The following F5 variants were observed in gnomAD, a reference collection of about 807,000 sequenced individuals.
The protein encoded by F5 is coagulation factor V.
Under a neutral mutation model 216.4 loss-of-function variants are expected in F5, and 138 were observed. The ratio of observed to expected loss-of-function variants is 0.64; its 90% CI spans 0.56 to 0.73. F5 has a LOEUF of 0.73. F5 is among the 30% of genes least tolerant of loss of function. F5 has a pLI of 0.00. For synonymous variants in F5, 916 were observed against 930.7 expected (o/e 0.98, Z 0.29); for missense variants, 2,403 against 2,674.0 (o/e 0.90, Z 2.24).
rs781221809 is a variant in F5, at chr1:169,550,719, G to C, written c.1317C>G (p.Ala439=). 4 of 1,613,698 alleles carry C rather than the reference G, an allele frequency of 2.5e-6. No individual in the cohort carries two copies. In the South Asian group the frequency reaches 4.4e-5, roughly 18 times the overall value. ...DTLKIVFKNM[A]SRPYSIYPHG... is the part of the protein sequence containing the mutation. Reference sequence around the variant, plus strand: ...GAGGGTAAATGCTATAGGGGCGGCTGGCCATATTTTTGAACACGATCTACA... The same window carrying C: ...GAGGGTAAATGCTATAGGGGCGGCTCGCCATATTTTTGAACACGATCTACA... Residue 439 remains alanine, a synonymous_variant, in exon 9 of 25, where the codon GCC becomes GCG. Coordinates refer to ENST00000367797, the MANE Select transcript of F5 (RefSeq NM_000130.5).
Position 169,542,174 on chromosome 1 carries a change from C to A in F5, c.2916G>T (p.Leu972=). ...CACGTGAGGCATTCTGGGGGCTGAT[C>A]AGCCAATTGTTAACAGCTGTGTCTT... ...TDEDTAVNNW[L]ISPQNASRAW... is the part of the protein sequence containing the mutation. The change falls in exon 13 of 25, where the codon CTG becomes CTT. Residue 972 remains leucine (L), a synonymous_variant. Transcript: ENST00000367797. 1.2e-6 allele frequency: 2 copies of A among 1,614,050 alleles called. No homozygotes were observed. The highest frequency in any genetic ancestry group is 1.7e-6 in the Non-Finnish European group (2 of 1,179,984).
intron 14 of F5, among the ~76,000 whole-genome samples, chr1:169,535,926 C>T (rs1012294513): frequency 1.4e-4 from 21 of 151,882 alleles, no homozygotes; most frequent in African/African-American, 1.2e-4. Flanking sequence ...TGAATGTGAG[C>T]GGTTAGCAAA....
chr1:169,523,746 C>T, intron 20 of F5, 55 bp downstream of exon 20: 1 of 1,419,142 alleles, frequency 7.0e-7, no homozygotes, highest in Non-Finnish European at 1.0e-6. Context: ...TACTAAATCA[C>T]TTTCATTTTT....
chr1:169,520,573 C>T lies in F5; in HGVS notation c.6140G>A (p.Arg2047Gln), dbSNP rs748256909. 24 of 1,613,766 alleles carry T rather than the reference C, an allele frequency of 1.5e-5. No homozygotes were observed. The highest frequency in any genetic ancestry group is 2.0e-5 in the Non-Finnish European group (24 of 1,179,928). Residue 2047 changes from arginine to glutamine, a missense_variant, in exon 22 of 25, where the codon CGA (arginine) becomes CAA (glutamine). Physicochemically the swap from Arg to Gln is conservative, Grantham distance 43. Coordinates refer to ENST00000367797, the MANE Select transcript of F5 (RefSeq NM_000130.5). ...TCGAAGGGTAGGTCTGTTATAGGCT[C>T]GAGTTGGAGAGATCCTAATATATCT... ...VARYIRISPT[R>Q]AYNRPTLRLE...
At chr1:169,559,072 C>T in intron 5 of F5, 81 bp downstream of exon 5, 2 of 1,502,986 alleles carry the variant, frequency 1.3e-6, no homozygotes. Flanking sequence ...TGGTCAACTT[C>T]TCTAGTGCTT....
rs779317485 is a variant in F5 at position 169,541,912 on chromosome 1, A to G, written c.3178T>C (p.Ser1060Pro). 1.5e-5 allele frequency: 24 copies of G among 1,614,030 alleles called. No individual in the cohort carries two copies. Among genetic ancestry groups the G allele is most frequent in the Middle Eastern group, 1.6e-4 (1 of 6,084 alleles). ...PLRSEAYNTFSERRLKHSLVL... is the reference protein window; with the variant it reads ...PLRSEAYNTFPERRLKHSLVL... Reference sequence around the variant, plus strand: ...AACGAATGCTTAAGTCTTCTTTCTGAAAATGTGTTGTAGGCTTCACTTCTT... The same window carrying G: ...AACGAATGCTTAAGTCTTCTTTCTGGAAATGTGTTGTAGGCTTCACTTCTT... The change falls in exon 13 of 25, where the codon TCA becomes CCA. Residue 1060 changes from serine to proline, a missense_variant. Ser to Pro is a moderately conservative substitution (Grantham distance 74). This residue lies in a region of F5 where 1,425 missense variants were observed against 1,554.8 expected (regional missense o/e 0.92). Transcript: ENST00000367797.
chr1:169,584,600 A>G (rs1661062953), intron 1 of F5, among the ~76,000 whole-genome samples: 1 of 152,250 alleles, frequency 6.6e-6, no homozygotes, highest in Non-Finnish European at 1.5e-5. Context: ...TTGTGCTAAA[A>G]TACACTTTGC....
intron 8 of F5, 81 bp downstream of exon 8, chr1:169,552,476 T>C (rs930832588): frequency 8.2e-7 from 1 of 1,220,846 alleles, no homozygotes. Context: ...ATCTTTTTCT[T>C]TTAAAATTAA....
At chr1:169,518,697 T>C in intron 22 of F5, 134 bp from the exon 23 acceptor site, 1 of 1,035,898 alleles carries the variant, frequency 9.7e-7, no homozygotes. Context: ...TGAAGATTTA[T>C]TGAATCCAAG....
At chr1:169,527,891 C>T (rs769650300) in intron 17 of F5, 24 bp downstream of exon 17, 21 of 1,612,268 alleles carry the variant, frequency 1.3e-5, no homozygotes, top group Non-Finnish European at 1.8e-5. Flanking sequence ...TAGCAGGGAC[C>T]TCTTCCCATT....
rs1316239090 is a variant in F5, at chr1:169,540,312, T to C, written c.4778A>G (p.Tyr1593Cys). The change falls in exon 13 of 25, where the codon TAT becomes TGT. Residue 1593 changes from tyrosine to cysteine, a missense_variant. This residue lies in a region of F5 where 659 missense variants were observed against 787.9 expected (regional missense o/e 0.84). Coordinates refer to ENST00000367797, the MANE Select transcript of F5 (RefSeq NM_000130.5). Reference protein sequence around the residue: ...YIAAEEISWDYSEFVQRETDI... With the variant: ...YIAAEEISWDCSEFVQRETDI... ...GCCAAACCTTTGTACAAATTCTGAATAATCCCAGGATATTTCTTCAGCAGC... is the reference window on the plus strand; with the variant it reads ...GCCAAACCTTTGTACAAATTCTGAACAATCCCAGGATATTTCTTCAGCAGC... The C allele has an allele frequency of 6.2e-7, 1 of 1,613,788 alleles. No individual in the cohort carries two copies. Among genetic ancestry groups the C allele is most frequent in the Admixed American group, 1.7e-5 (1 of 59,974 alleles).
At chr1:169,580,401 T>G (rs1297506215) in intron 2 of F5, among the ~76,000 whole-genome samples, 25 of 151,048 alleles carry the variant, frequency 1.7e-4, no homozygotes, top group Admixed American at 1.6e-3. Context: ...TTTTTTTTTT[T>G]GAGATAGAGT....
intron 11 of F5, among the ~76,000 whole-genome samples, chr1:169,545,902 C>A (rs539394701): frequency 2.6e-5 from 4 of 152,302 alleles, no homozygotes; most frequent in Admixed American, 2.0e-4. Flanking sequence ...AGAACTGCAG[C>A]AAATGCCGGA....
Position 169,540,859 on chromosome 1 carries a change from G to C in F5, c.4231C>G (p.Leu1411Val). The change falls in exon 13 of 25, where the codon CTT becomes GTT. Residue 1411 changes from leucine to valine, a missense_variant. By Grantham distance (32) the Leu-to-Val change is conservative. Coordinates refer to ENST00000367797, the MANE Select transcript of F5 (RefSeq NM_000130.5). The part of the protein sequence containing the change: ...PLTPDLDQMT[L>V]SPDLGETDLS... ...TCTGTCTCACCAAGGTCTGGAGAAAGTGTCATCTGGTCGAGGTCTGGGGTA... is the reference window on the plus strand; with the variant it reads ...TCTGTCTCACCAAGGTCTGGAGAAACTGTCATCTGGTCGAGGTCTGGGGTA... 6.2e-7 allele frequency: 1 copy of C among 1,612,064 alleles called. No homozygotes were observed. Among genetic ancestry groups the C allele is most frequent in the Non-Finnish European group, 8.5e-7 (1 of 1,179,102 alleles).
chr1:169,520,416 C>A, intron 22 of F5, 104 bp downstream of exon 22: 1 of 1,410,492 alleles, frequency 7.1e-7, no homozygotes, highest in South Asian at 1.2e-5. Context: ...TTCCTAGGAG[C>A]CTAAGTCACT....
Position 169,556,716 on chromosome 1 carries a change from A to C in F5, c.882T>G (p.Thr294=). The C allele has an allele frequency of 6.2e-7, 1 of 1,614,100 alleles. No homozygotes were observed. Among genetic ancestry groups the C allele is most frequent in the South Asian group, 1.1e-5 (1 of 91,084 alleles). ...CTGGGCCCACAGTCATATTTGCGGT[A>C]GTGGATGTAGCACTGACAAGGGTGA... The part of the protein sequence containing the change: ...SAITLVSATS[T]TANMTVGPEG... Residue 294 remains threonine, a synonymous_variant, in exon 6 of 25, where the codon ACT becomes ACG. Transcript: ENST00000367797.
At chr1:169,575,855 G>C (rs979206376) in intron 2 of F5, among the ~76,000 whole-genome samples, 2 of 152,070 alleles carry the variant, frequency 1.3e-5, no homozygotes, top group African/African-American at 4.8e-5. Flanking sequence ...CTGGAAATAT[G>C]CTACTTTATA....
chr1:169,572,029 T>A (rs910897604), intron 3 of F5, among the ~76,000 whole-genome samples, 192 bp downstream of exon 3: 1 of 152,102 alleles, frequency 6.6e-6, no homozygotes, highest in East Asian at 1.9e-4. Flanking sequence ...CAGTGAAAAA[T>A]GCAGGTCTAG....
At position 169,513,235 on chromosome 1, in the gene F5, A is replaced by G. The variant is rs1004465875; in HGVS notation, c.*1078T>C. Among the ~76,000 whole-genome samples, 1 of 152,072 alleles carries G rather than the reference A, an allele frequency of 6.6e-6. No individual in the cohort carries two copies. The highest frequency in any genetic ancestry group is 2.4e-5 in the African/African-American group (1 of 41,428). On this transcript the variant is annotated 3_prime_UTR_variant, in exon 25 of 25. Transcript: ENST00000367797. ...TTAAATCAAGCTAAGTAACAAATCC[A>G]TAATCTCACATAAATTTTTTTTGGT...
Sources: gnomAD v4.1 joint callset for allele counts (sites outside exome capture counted in the v4.1 genomes callset) on GRCh38, gnomAD v4.1.1 for gene constraint, gnomAD v4.1.1 regional missense constraint, MANE v1.5 for transcripts, NCBI Gene and HGNC (gene_info 2026-07-23, HGNC 2026-07-21) for gene names.